The following PRKCI variants were observed in gnomAD, a reference collection of about 807,000 sequenced individuals.
PRKCI encodes the protein protein kinase C iota.
A neutral mutation model predicts 84.0 loss-of-function variants in PRKCI; 43 were observed. The observed-to-expected ratio is 0.51, with a 90% confidence interval of 0.40 to 0.66. The LOEUF (loss-of-function observed/expected upper bound fraction) is 0.66. Ranked by LOEUF, PRKCI falls within the 30% of genes least tolerant of loss-of-function variation. The probability of loss-of-function intolerance (pLI) is 0.00; values close to 1 mark genes in which losing one functional copy is unlikely to be tolerated. For missense variants in PRKCI, 459 were observed against 745.6 expected (o/e 0.62, Z 4.48); for synonymous variants, 216 against 234.4 (o/e 0.92, Z 0.72).
chr3:170,246,369 T>C (rs1481603549), intron 2 of PRKCI, among the ~76,000 whole-genome samples: 1 of 152,052 alleles, frequency 6.6e-6, no homozygotes, highest in East Asian at 1.9e-4. Context: ...GCCAGGCTGG[T>C]CTTGAACTCC....
intron 8 of PRKCI, among the ~76,000 whole-genome samples, chr3:170,276,592 G>A (rs1734121688): frequency 6.6e-6 from 1 of 152,000 alleles, no homozygotes; most frequent in Non-Finnish European, 1.5e-5. Context: ...GGGACTACAG[G>A]CATGTGTCAC....
chr3:170,288,473 G>A (rs1053093243), intron 12 of PRKCI, among the ~76,000 whole-genome samples: 1 of 152,108 alleles, frequency 6.6e-6, no homozygotes, highest in Non-Finnish European at 1.5e-5. Context: ...CCTAGGGCGG[G>A]TGCAGTGGCT....
intron 15 of PRKCI, 123 bp downstream of exon 15, chr3:170,296,113 C>T (rs1356480608): frequency 8.1e-6 from 4 of 493,716 alleles, no homozygotes; most frequent in Non-Finnish European, 1.0e-5. Flanking sequence ...TTCAGTTTGA[C>T]CCAGAATTTG....
At chr3:170,231,622 A>G (rs1407674406) in intron 1 of PRKCI, among the ~76,000 whole-genome samples, 4 of 151,474 alleles carry the variant, frequency 2.6e-5, no homozygotes, top group African/African-American at 4.9e-5. Flanking sequence ...GCACCACCAC[A>G]CCTGGCTAAT....
intron 12 of PRKCI, among the ~76,000 whole-genome samples, chr3:170,288,234 A>G (rs1177571449): frequency 1.3e-5 from 2 of 151,634 alleles, no homozygotes; most frequent in African/African-American, 4.8e-5. Context: ...CAACAGAGTG[A>G]GACTACGTCT....
chr3:170,271,878 G>A (rs1047574285), intron 6 of PRKCI, among the ~76,000 whole-genome samples: 1 of 152,132 alleles, frequency 6.6e-6, no homozygotes, highest in Non-Finnish European at 1.5e-5. Context: ...CTGTCTTCCA[G>A]GCTGGAATGT....
intron 13 of PRKCI, among the ~76,000 whole-genome samples, chr3:170,293,054 A>G (rs1215997898): frequency 6.6e-6 from 1 of 152,098 alleles, no homozygotes. Flanking sequence ...AAAAAAAAAA[A>G]AAAGACCAAG....
intron 12 of PRKCI, among the ~76,000 whole-genome samples, chr3:170,289,511 C>T (rs1033894513): frequency 7.9e-5 from 12 of 152,248 alleles, no homozygotes; most frequent in Admixed American, 4.6e-4. Flanking sequence ...ACAGTGCTCA[C>T]GCCTGTAATC....
chr3:170,283,453 T>C (rs1279962995), intron 11 of PRKCI, among the ~76,000 whole-genome samples: 5 of 152,252 alleles, frequency 3.3e-5, no homozygotes, highest in Admixed American at 1.3e-4. Context: ...TAAGAAGATA[T>C]AAATTGTACT....
rs1434910430 is a variant in PRKCI, at chr3:170,222,624, C to G, written c.-46C>G. The G allele has an allele frequency of 2.0e-6, 3 of 1,489,060 alleles. No individual in the cohort carries two copies. The allele number at this position is 1,489,060 out of a possible 1,614,324, so 92.2% of individuals were successfully genotyped here. ...GAGTCCCCCACGGCGCCCGAAGCGC[C>G]CCCCCGCACCCCCGGCCTCCAGCGT... is the stretch of plus-strand genomic sequence containing the variant. On this transcript the variant is annotated 5_prime_UTR_variant, in exon 1 of 18. Coordinates refer to ENST00000295797, the MANE Select transcript of PRKCI (RefSeq NM_002740.6).
At chr3:170,269,794 C>G (rs370345577) in intron 5 of PRKCI, among the ~76,000 whole-genome samples, 61 of 152,190 alleles carry the variant, frequency 4.0e-4, no homozygotes, top group African/African-American at 1.4e-3. Context: ...CCCATCTCTA[C>G]TAAAAATACA....
At chr3:170,274,728 TG>T (rs989185480) in intron 7 of PRKCI, among the ~76,000 whole-genome samples, 26 of 152,242 alleles carry the variant, frequency 1.7e-4, no homozygotes, top group African/African-American at 6.3e-4. Context: ...CTTTTTTTTT[TG>T]CCCCAAGTAG....
chr3:170,228,931 A>G (rs1171589637), intron 1 of PRKCI, among the ~76,000 whole-genome samples: 1 of 151,770 alleles, frequency 6.6e-6, no homozygotes, highest in East Asian at 1.9e-4. Flanking sequence ...GTCCATGTGT[A>G]CCCTTTGTTT....
intron 5 of PRKCI, 30 bp downstream of exon 5, chr3:170,268,030 G>T (rs369089908): frequency 2.0e-5 from 30 of 1,535,644 alleles, no homozygotes; most frequent in Non-Finnish European, 2.7e-5. Flanking sequence ...TGTCGATAAT[G>T]TGAAACAGCT....
In PRKCI at chr3:170,263,254, GTC is replaced by G. The variant is rs1733779352; in HGVS notation, c.314-122_314-121del. 8.9e-6 allele frequency: 6 copies of G among 675,746 alleles called. No individual in the cohort carries two copies. In the East Asian group the frequency reaches 1.7e-4, roughly 19 times the overall value. The allele number at this position is 675,746 out of a possible 1,614,324, so 41.9% of individuals were successfully genotyped here. A position where few individuals can be genotyped will look rare whatever the true frequency, so the allele number is the denominator to read the frequency against. ...ATATTGATCACATGCTAAGTATCTT[GTC>G]TCAAGTGAAGAGAGGGTCAGGTTGA... is the stretch of plus-strand genomic sequence containing the variant. On this transcript the variant is annotated intron_variant, in intron 3 of 17. Coordinates refer to ENST00000295797, the MANE Select transcript of PRKCI (RefSeq NM_002740.6).
chr3:170,245,915 A>T (rs1733264034), intron 2 of PRKCI, among the ~76,000 whole-genome samples: 1 of 147,882 alleles, frequency 6.8e-6, no homozygotes, highest in South Asian at 2.1e-4. Flanking sequence ...CCATATTCTG[A>T]AATGTCTCTT....
intron 1 of PRKCI, among the ~76,000 whole-genome samples, chr3:170,229,334 G>C (rs1265289001): frequency 6.6e-6 from 1 of 152,146 alleles, no homozygotes; most frequent in Non-Finnish European, 1.5e-5. Flanking sequence ...TGTTTTAAGA[G>C]ACAGAGTCTG....
chr3:170,258,238 T>C (rs147209567), intron 2 of PRKCI, among the ~76,000 whole-genome samples: 1 of 151,560 alleles, frequency 6.6e-6, no homozygotes, highest in Non-Finnish European at 1.5e-5. Flanking sequence ...GTAGTAACTA[T>C]GGGAATTAGC....
intron 1 of PRKCI, among the ~76,000 whole-genome samples, chr3:170,230,622 G>A (rs1311792066): frequency 6.6e-5 from 10 of 152,208 alleles, no homozygotes; most frequent in Non-Finnish European, 1.0e-4. Context: ...GAGCCACTGC[G>A]CCTGGCTTAT....
Sources: gnomAD v4.1 joint callset for allele counts (sites outside exome capture counted in the v4.1 genomes callset) on GRCh38, gnomAD v4.1.1 for gene constraint, MANE v1.5 for transcripts, NCBI Gene and HGNC (gene_info 2026-07-23, HGNC 2026-07-21) for gene names.